BCCIP: variants seen among roughly 807,000 people sequenced by gnomAD.
BCCIP encodes BRCA2 and CDKN1A-interacting protein.
In BCCIP, 23 loss-of-function variants were observed where a neutral mutation model predicts 32.8. The observed-to-expected ratio is 0.70, with a 90% CI of 0.51 to 0.99. The LOEUF (loss-of-function observed/expected upper bound fraction) is 0.99. BCCIP is among the 50% of genes least tolerant of loss of function. The pLI is 0.00. For synonymous variants in BCCIP, 144 were observed against 137.6 expected (o/e 1.05, Z -0.33); for missense variants, 378 against 379.8 (o/e 1.00, Z 0.04).
chr10:125,829,905 A>G (rs941355659), intron 3 of BCCIP, among the ~76,000 whole-genome samples: 1 of 152,246 alleles, frequency 6.6e-6, no homozygotes, highest in African/African-American at 2.4e-5. Context: ...TTCTCCAGAG[A>G]CACTTGAGGT....
intron 6 of BCCIP, among the ~76,000 whole-genome samples, chr10:125,834,310 TAGGGAAATG>T (rs1357899224): frequency 6.6e-6 from 1 of 152,180 alleles, no homozygotes; most frequent in Non-Finnish European, 1.5e-5. Flanking sequence ...CTTTAAGGCA[TAGGGAAATG>T]AGGGAAATTA....
downstream of BCCIP, chr10:125,840,905 A>C (rs1164151903): frequency 6.2e-7 from 1 of 1,612,240 alleles, no homozygotes; most frequent in Non-Finnish European, 8.5e-7. Flanking sequence ...TGATGAGGGT[A>C]AAGTGATCTC....
intron 5 of BCCIP, among the ~76,000 whole-genome samples, chr10:125,833,251 G>C (rs1319256259): frequency 1.3e-5 from 2 of 152,200 alleles, no homozygotes; most frequent in Non-Finnish European, 2.9e-5. Context: ...GAAACATTAA[G>C]GCTTTGTTGC....
chr10:125,852,191 C>G (rs1229204222), intron 7 of BCCIP: 2 of 1,413,674 alleles, frequency 1.4e-6, no homozygotes, highest in Non-Finnish European at 1.9e-6. Flanking sequence ...CCCCTCCATG[C>G]TTGTGTGCAT....
chr10:125,842,848 C>T (rs1286879563), downstream of BCCIP: 62 of 876,988 alleles, frequency 7.1e-5, no homozygotes, highest in Admixed American at 1.2e-4. Flanking sequence ...TATGTAACAT[C>T]GATAATGATG....
At chr10:125,831,943 CA>C (rs1202075401) in intron 5 of BCCIP, among the ~76,000 whole-genome samples, 2 of 152,158 alleles carry the variant, frequency 1.3e-5, no homozygotes, top group African/African-American at 2.4e-5. Context: ...TGAACAATTA[CA>C]ACAATAACAA....
At chr10:125,826,553 G>T in intron 1 of BCCIP, 38 bp from the exon 2 acceptor site, 1 of 1,610,816 alleles carries the variant, frequency 6.2e-7, no homozygotes, top group South Asian at 1.1e-5. Context: ...GATGTTTGTA[G>T]TTTTTCTGGT....
At chr10:125,838,899 T>C (rs1854783265), downstream of BCCIP, 2 of 1,288,906 alleles carry the variant, frequency 1.6e-6, no homozygotes, top group Non-Finnish European at 2.1e-6. Flanking sequence ...TTTTTAGTTT[T>C]ACTTAATGTC....
downstream of BCCIP, chr10:125,838,166 TAAAA>T (rs543769173): frequency 1.9e-5 from 25 of 1,350,382 alleles, no homozygotes; most frequent in African/African-American, 3.3e-4. Flanking sequence ...AGGTATGAAT[TAAAA>T]AAAAAATACA....
chr10:125,826,168 A>G (rs1854384686), intron 1 of BCCIP: 2 of 179,700 alleles, frequency 1.1e-5, no homozygotes, highest in Non-Finnish European at 2.3e-5. Context: ...GAGCAGGATC[A>G]TTTGTGTCTG....
downstream of BCCIP, among the ~76,000 whole-genome samples, chr10:125,844,600 C>G (rs1943989032): frequency 6.6e-6 from 1 of 152,172 alleles, no homozygotes; most frequent in African/African-American, 2.4e-5. Flanking sequence ...ATAGGATTTG[C>G]TAATATTATA....
intron 5 of BCCIP, among the ~76,000 whole-genome samples, chr10:125,831,953 A>G (rs1009727713): frequency 6.6e-6 from 1 of 152,254 alleles, no homozygotes; most frequent in African/African-American, 2.4e-5. Flanking sequence ...CAACAATAAC[A>G]AAACTGGTAA....
At chr10:125,842,247 C>T in exon 7 of BCCIP, 1 of 306,180 alleles carries the variant, frequency 3.3e-6, no homozygotes. Context: ...TCCAGGGAGA[C>T]TAAGGTGGCC....
intron 5 of BCCIP, 39 bp from the exon 6 acceptor site, chr10:125,833,733 A>C: frequency 1.9e-6 from 3 of 1,608,500 alleles, no homozygotes; most frequent in Non-Finnish European, 2.5e-6. Context: ...ATTTCACTTG[A>C]CCCAGCAGGT....
downstream of BCCIP, chr10:125,836,912 C>T: frequency 6.7e-7 from 1 of 1,500,218 alleles, no homozygotes; most frequent in South Asian, 1.2e-5. Flanking sequence ...TGAGAGACAC[C>T]AAACATTATG....
chr10:125,849,154 C>CA (rs1180062765), intron 7 of BCCIP, among the ~76,000 whole-genome samples: 1 of 152,200 alleles, frequency 6.6e-6, no homozygotes, highest in East Asian at 1.9e-4. Flanking sequence ...GAATTCATCG[C>CA]AAAATAAACA....
At chr10:125,832,464 G>A (rs1854544940) in intron 5 of BCCIP, among the ~76,000 whole-genome samples, 1 of 152,074 alleles carries the variant, frequency 6.6e-6, no homozygotes, top group Non-Finnish European at 1.5e-5. Flanking sequence ...TTTTCCTAGG[G>A]ATTCGATGCT....
At chr10:125,838,404 TAAAG>T (rs750071929), downstream of BCCIP, 7 of 1,547,570 alleles carry the variant, frequency 4.5e-6, no homozygotes, top group Admixed American at 1.6e-4. Flanking sequence ...GGCAGAATTT[TAAAG>T]AAAAAAGATT....
chr10:125,835,508 G>GATCACGCCACT (rs1854650695), intron 6 of BCCIP, among the ~76,000 whole-genome samples: 1 of 151,796 alleles, frequency 6.6e-6, no homozygotes, highest in Non-Finnish European at 1.5e-5. Context: ...GAACCCGGGA[G>GATCACGCCACT]GCAGAGCTTG....
Sources: gnomAD v4.1 joint callset for allele counts (sites outside exome capture counted in the v4.1 genomes callset) on GRCh38, gnomAD v4.1.1 for gene constraint, MANE v1.5 for transcripts, NCBI Gene and HGNC (gene_info 2026-07-23, HGNC 2026-07-21) for gene names.